The following HPGD variants were observed in gnomAD, a reference collection of about 807,000 sequenced individuals.
HPGD encodes 15-hydroxyprostaglandin dehydrogenase [NAD(+)].
HPGD carries 29 observed loss-of-function variants against 30.0 expected under a neutral mutation model. That is an observed-to-expected ratio of 0.97 (90% CI 0.72 to 1.32). The LOEUF (loss-of-function observed/expected upper bound fraction) is 1.32. Among genes scored for constraint, HPGD ranks in the 40% most tolerant of loss-of-function variants. The pLI, the probability that HPGD is intolerant of heterozygous loss-of-function variation, is 0.00. For synonymous variants in HPGD, 99 were observed against 112.4 expected, an observed-to-expected ratio of 0.88 and a Z score of 0.75; for missense variants, 340 against 322.1, an observed-to-expected ratio of 1.06 and a Z score of -0.43.
chr4:174,513,854 T>A (rs1350101516), intron 3 of HPGD, among the ~76,000 whole-genome samples: 4 of 151,896 alleles, frequency 2.6e-5, no homozygotes, highest in African/African-American at 9.7e-5. Context: ...AAAAAAAATT[T>A]AAAAATCAAT....
intron 3 of HPGD, among the ~76,000 whole-genome samples, chr4:174,513,570 G>A (rs922301516): frequency 4.0e-5 from 6 of 151,512 alleles, no homozygotes; most frequent in East Asian, 1.9e-4. Flanking sequence ...AGTATAAAAC[G>A]GAAGAGTAAA....
chr4:174,495,927 A>G (rs758613967), intron 4 of HPGD: 2 of 347,542 alleles, frequency 5.8e-6, no homozygotes, highest in African/African-American at 2.1e-5. Flanking sequence ...AATGGTATCT[A>G]AAACACAAAG....
intron 3 of HPGD, among the ~76,000 whole-genome samples, chr4:174,515,135 T>A (rs1324101553): frequency 3.3e-5 from 5 of 151,986 alleles, no homozygotes; most frequent in African/African-American, 1.2e-4. Flanking sequence ...CAAACTACCA[T>A]CATCATTTCC....
At chr4:174,509,497 C>G (rs17294569) in intron 3 of HPGD, among the ~76,000 whole-genome samples, 6,175 of 152,266 alleles carry the variant, frequency 0.041, 182 homozygotes, top group Non-Finnish European at 0.062. Flanking sequence ...GAGATGGGAA[C>G]AGGATGGATG....
chr4:174,508,419 C>A (rs1560983284), intron 4 of HPGD, among the ~76,000 whole-genome samples: 1 of 152,074 alleles, frequency 6.6e-6, no homozygotes, highest in African/African-American at 2.4e-5. Context: ...AGTCTCACCA[C>A]AACCTTTGAA....
intron 4 of HPGD, among the ~76,000 whole-genome samples, chr4:174,508,343 C>G (rs1054708183): frequency 6.6e-6 from 1 of 152,160 alleles, no homozygotes; most frequent in South Asian, 2.1e-4. Context: ...GGAGCAGAGA[C>G]ATCTTAACTT....
chr4:174,506,097 T>TG (rs1364682935), intron 4 of HPGD, among the ~76,000 whole-genome samples: 1 of 152,112 alleles, frequency 6.6e-6, no homozygotes, highest in Non-Finnish European at 1.5e-5. Flanking sequence ...CACCTGGGGT[T>TG]GGCGGGAGGT....
Position 174,491,691 on chromosome 4 carries a change from T to C in HPGD, c.*265A>G. The C allele has an allele frequency of 2.4e-6, 1 of 409,276 alleles. No homozygotes were observed. The allele number at this position is 409,276 out of a possible 1,614,324, so 25.4% of individuals were successfully genotyped here. ...ATACACTTTCTGAAAGGCAGAATATTGAATATTCCTTGAAAATCATTTGTT... is the reference window on the plus strand; with the variant it reads ...ATACACTTTCTGAAAGGCAGAATATCGAATATTCCTTGAAAATCATTTGTT... On this transcript the variant is annotated 3_prime_UTR_variant, in exon 7 of 7. Coordinates refer to ENST00000296522, the MANE Select transcript of HPGD (RefSeq NM_000860.6).
At chr4:174,520,110 A>G (rs184596883) in intron 2 of HPGD, among the ~76,000 whole-genome samples, 78 of 152,296 alleles carry the variant, frequency 5.1e-4, no homozygotes, top group African/African-American at 1.7e-3. Context: ...ACCTTTTGGA[A>G]AATGAGGGTG....
chr4:174,505,407 G>T (rs998435245), intron 4 of HPGD, among the ~76,000 whole-genome samples: 1 of 152,144 alleles, frequency 6.6e-6, no homozygotes, highest in Non-Finnish European at 1.5e-5. Context: ...CACAGAGTAG[G>T]CAAATATTAG....
At chr4:174,520,278 C>A (rs906007123) in intron 2 of HPGD, among the ~76,000 whole-genome samples, 3 of 152,184 alleles carry the variant, frequency 2.0e-5, no homozygotes, top group East Asian at 3.8e-4. Context: ...CTACCTCTTG[C>A]TGACATTTAT....
chr4:174,522,518 C>T (rs45472095), upstream of HPGD: 450 of 1,252,104 alleles, frequency 3.6e-4, 3 homozygotes, highest in African/African-American at 5.9e-3. Flanking sequence ...GGCTTTTATG[C>T]CCCCCTGCGC....
Position 174,491,772 on chromosome 4 carries a change from T to A in HPGD, c.*184A>T. 1.7e-6 allele frequency: 1 copy of A among 583,810 alleles called. No homozygotes were observed. Among genetic ancestry groups the A allele is most frequent in the South Asian group, 2.0e-5 (1 of 49,174 alleles). The allele number at this position is 583,810 out of a possible 1,614,324, so 36.2% of individuals were successfully genotyped here. A position where few individuals can be genotyped will look rare whatever the true frequency, so the allele number is the denominator to read the frequency against. ...ACCTAGCCTTTGGTCCACATCACAT[T>A]TTTAATAGTTCATAACTTTTTATCC... On this transcript the variant is annotated 3_prime_UTR_variant, in exon 7 of 7. Coordinates refer to ENST00000296522, the MANE Select transcript of HPGD (RefSeq NM_000860.6).
intron 1 of HPGD, 137 bp from the exon 2 acceptor site, chr4:174,522,204 G>T: frequency 6.9e-7 from 1 of 1,450,866 alleles, no homozygotes; most frequent in Non-Finnish European, 9.6e-7. Context: ...CCACTTCTGA[G>T]GTGTGCTCAC....
chr4:174,510,059 T>TC (rs1735401542), intron 3 of HPGD, among the ~76,000 whole-genome samples: 1 of 152,232 alleles, frequency 6.6e-6, no homozygotes, highest in Non-Finnish European at 1.5e-5. Context: ...CCTATTTTTT[T>TC]CATGCTTTAC....
chr4:174,509,314 T>C (rs564373320), intron 3 of HPGD, among the ~76,000 whole-genome samples: 112 of 152,338 alleles, frequency 7.4e-4, no homozygotes, highest in Non-Finnish European at 1.3e-3. Flanking sequence ...TTTGCTCCTG[T>C]ATCTACCTCC....
At chr4:174,502,960 C>T (rs1734992181) in intron 4 of HPGD, among the ~76,000 whole-genome samples, 1 of 152,090 alleles carries the variant, frequency 6.6e-6, no homozygotes, top group African/African-American at 2.4e-5. Flanking sequence ...CATCTCTGTC[C>T]TATCGAAATC....
Position 174,496,118 on chromosome 4 carries a change from C to A in HPGD, c.422-494G>T, listed in dbSNP as rs563359255. Among the ~76,000 whole-genome samples, 1 of 152,200 alleles carries A rather than the reference C, an allele frequency of 6.6e-6. No homozygotes were observed. Among genetic ancestry groups the A allele is most frequent in the Non-Finnish European group, 1.5e-5 (1 of 68,040 alleles). On this transcript the variant is annotated intron_variant, in intron 4 of 6. Transcript: ENST00000296522. The surrounding 1 kb of genome is among the most constrained non-coding windows in gnomAD (Gnocchi z 4.6). The stretch of plus-strand genomic sequence containing the variant: ...TAGTATGCAATTTCCTGTCACCAAT[C>A]TGTCTTGAACAATGCCTCCAAAAGT...
At chr4:174,501,227 G>A (rs1375624517) in intron 4 of HPGD, among the ~76,000 whole-genome samples, 1 of 152,092 alleles carries the variant, frequency 6.6e-6, no homozygotes, top group Non-Finnish European at 1.5e-5. Flanking sequence ...ATGACTATAG[G>A]ACCAGTTACT....
Sources: allele counts gnomAD v4.1 joint callset (sites outside exome capture counted in the v4.1 genomes callset), GRCh38; gene constraint gnomAD v4.1.1; non-coding constraint Gnocchi (gnomAD v3.1); transcripts MANE v1.5; gene names NCBI Gene and HGNC (gene_info 2026-07-23, HGNC 2026-07-21).